KIFC3: variants seen among roughly 807,000 people sequenced by gnomAD.
KIFC3 encodes kinesin family member C3, also known as kinesin-like protein KIFC3.
In KIFC3, 60 loss-of-function variants were observed where a neutral mutation model predicts 101.8. The ratio of observed to expected loss-of-function variants is 0.59; its 90% CI spans 0.48 to 0.73. The LOEUF (loss-of-function observed/expected upper bound fraction) is 0.73, where lower values mean the gene tolerates loss of function less well. Among genes scored for constraint, KIFC3 ranks in the 30% least tolerant of loss-of-function variants. KIFC3 has a pLI of 0.00. For synonymous variants in KIFC3, 476 were observed against 482.7 expected (o/e 0.99, Z 0.18); for missense variants, 966 against 1,137.1 (o/e 0.85, Z 2.16).
chr16:57,848,419 G>A (rs191582810), intron 1 of KIFC3, among the ~76,000 whole-genome samples: 283 of 152,268 alleles, frequency 1.9e-3, no homozygotes, highest in Admixed American at 5.1e-3. Context: ...TTGAGGTCAG[G>A]AGTTCCAGAC....
chr16:57,760,801 G>A lies in KIFC3; in HGVS notation c.2157C>T (p.Pro719=), dbSNP rs1375474907. Residue 719 remains proline (P), a synonymous_variant, in exon 16 of 20, where the codon CCC becomes CCT. Transcript: ENST00000445690. The stretch of plus-strand genomic sequence containing the variant: ...GGTAGGTGAGCTTGGAGTTGCGGAA[G>A]GGCACGTGGCCCTGGCGGGAGCGCA... ...AALRSRQGHV[P]FRNSKLTYLL... The A allele has an allele frequency of 2.5e-6, 4 of 1,613,684 alleles. No homozygotes were observed. The highest frequency in any genetic ancestry group is 3.4e-6 in the Non-Finnish European group (4 of 1,180,012).
At chr16:57,803,607 G>A (rs2054858972), upstream of KIFC3, among the ~76,000 whole-genome samples, 1 of 152,242 alleles carries the variant, frequency 6.6e-6, no homozygotes, top group East Asian at 1.9e-4. Flanking sequence ...CAAGAATCTC[G>A]ACCAGCGACG....
chr16:57,820,577 C>G (rs1223997864), intron 1 of KIFC3, among the ~76,000 whole-genome samples: 1 of 152,206 alleles, frequency 6.6e-6, no homozygotes, highest in African/African-American at 2.4e-5. Context: ...CTGTGCCCAG[C>G]CCAGAGTGAT....
chr16:57,785,430 A>G lies in KIFC3; in HGVS notation c.315+9569T>C, dbSNP rs1449932827. The stretch of plus-strand genomic sequence containing the variant: ...TCCTCTGACCTGCTCCATAGTGGGC[A>G]GTGGCCTCTGCCCATCCCAGCCTCC... On this transcript the variant is annotated intron_variant, in intron 3 of 19. Coordinates refer to ENST00000445690, the MANE Select transcript of KIFC3 (RefSeq NM_001130100.2). 3.2e-6 allele frequency: 4 copies of G among 1,253,082 alleles called. No homozygotes were observed. In the African/African-American group the frequency reaches 4.6e-5, roughly 14 times the overall value. 77.6% of individuals were successfully genotyped at this position (1,253,082 alleles called of 1,614,324 possible). A position where few individuals can be genotyped will look rare whatever the true frequency, so the allele number is the denominator to read the frequency against.
At chr16:57,813,825 G>A (rs1360469160) in intron 1 of KIFC3, 4 of 985,298 alleles carry the variant, frequency 4.1e-6, no homozygotes, top group Non-Finnish European at 3.6e-6. Flanking sequence ...GTCACAGCCT[G>A]AAGACAGAAC....
intron 1 of KIFC3, among the ~76,000 whole-genome samples, chr16:57,858,273 A>C (rs1371584027): frequency 6.6e-6 from 1 of 152,150 alleles, no homozygotes; most frequent in African/African-American, 2.4e-5. Context: ...GCCTCATTGC[A>C]ATCCAAATGT....
At chr16:57,788,450 G>A (rs1207874586) in intron 3 of KIFC3, 3 of 834,950 alleles carry the variant, frequency 3.6e-6, no homozygotes, top group East Asian at 1.3e-4. Context: ...CAGGCAGCTG[G>A]AGTCTGTCTA....
At chr16:57,786,870 G>A (rs2053382345) in intron 3 of KIFC3, among the ~76,000 whole-genome samples, 1 of 152,176 alleles carries the variant, frequency 6.6e-6, no homozygotes, top group East Asian at 1.9e-4. Flanking sequence ...TCTCAGCACA[G>A]CCCCAGGAGG....
At chr16:57,821,102 G>A (rs2055340793) in intron 1 of KIFC3, among the ~76,000 whole-genome samples, 1 of 151,198 alleles carries the variant, frequency 6.6e-6, no homozygotes, top group Non-Finnish European at 1.5e-5. Flanking sequence ...TTGCACTCCA[G>A]CCTGAGTGAC....
At chr16:57,845,300 C>A (rs1352188296) in intron 1 of KIFC3, among the ~76,000 whole-genome samples, 2 of 152,202 alleles carry the variant, frequency 1.3e-5, no homozygotes, top group Non-Finnish European at 2.9e-5. Context: ...CCCCCACCAT[C>A]CCTCCCTGGA....
At chr16:57,832,635 C>G (rs1555479596) in intron 1 of KIFC3, among the ~76,000 whole-genome samples, 1 of 151,842 alleles carries the variant, frequency 6.6e-6, no homozygotes, top group Non-Finnish European at 1.5e-5. Context: ...TTTTTTTTCT[C>G]CCAGCATACT....
chr16:57,768,133 C>T (rs2148924431), intron 9 of KIFC3, among the ~76,000 whole-genome samples: 1 of 152,218 alleles, frequency 6.6e-6, no homozygotes, highest in Admixed American at 6.5e-5. Context: ...CAAAACCAGC[C>T]TGGCCAACAT....
chr16:57,853,406 A>C (rs1366246935), intron 1 of KIFC3, among the ~76,000 whole-genome samples: 2 of 147,970 alleles, frequency 1.4e-5, no homozygotes, highest in Non-Finnish European at 3.0e-5. Flanking sequence ...GTGACAGAAC[A>C]AGACTCCATC....
chr16:57,800,927 T>TC (rs1359698081), intron 1 of KIFC3, among the ~76,000 whole-genome samples: 3 of 152,046 alleles, frequency 2.0e-5, no homozygotes, highest in Non-Finnish European at 4.4e-5. Flanking sequence ...AGAACCTGGC[T>TC]CCCCTGTTTA....
upstream of KIFC3, among the ~76,000 whole-genome samples, chr16:57,806,128 G>T (rs1265070550): frequency 6.6e-6 from 1 of 152,164 alleles, no homozygotes. Flanking sequence ...GCTCCCCAAA[G>T]GGAAGGAAAG....
intron 1 of KIFC3, among the ~76,000 whole-genome samples, chr16:57,850,465 G>GTTTTTTT (rs373157438): frequency 7.0e-4 from 59 of 84,108 alleles, no homozygotes; most frequent in Non-Finnish European, 7.7e-4. Flanking sequence ...TTTAAAAAGG[G>GTTTTTTT]TTTTTTTTTT....
At chr16:57,782,244 G>C (rs782206322) in intron 3 of KIFC3, 6 of 701,650 alleles carry the variant, frequency 8.6e-6, no homozygotes, top group Non-Finnish European at 1.1e-5. Flanking sequence ...CCCCAGTTTA[G>C]AGACTGGGAA....
Position 57,760,344 on chromosome 16 carries a change from C to G in KIFC3, c.2305G>C (p.Glu769Gln). Residue 769 changes from glutamate (E) to glutamine (Q), a missense_variant, in exon 17 of 20, where the codon GAG becomes CAG. Transcript: ENST00000445690. ...GCCCTGCGTAGCCCAGGCCCCAGCTCCACAGAGCGCACCCTCTCAGCAAAC... is the reference window on the plus strand; with the variant it reads ...GCCCTGCGTAGCCCAGGCCCCAGCTGCACAGAGCGCACCCTCTCAGCAAAC... ...LKFAERVRSV[E>Q]LGPGLRRAEL... 6.2e-7 allele frequency: 1 copy of G among 1,613,980 alleles called. No homozygotes were observed. The highest frequency in any genetic ancestry group is 8.5e-7 in the Non-Finnish European group (1 of 1,179,982).
rs147820630 is a variant in KIFC3, at chr16:57,851,207, G to T, written c.108+11522C>A. On this transcript the variant is annotated intron_variant, in intron 1 of 2. Transcript: ENST00000563028. Reference sequence around the variant, plus strand: ...TTTTTAATGTTTTGTAGAGACGGGGGTCTCATTATGTTGCCCAGGCTGGTC... The same window carrying T: ...TTTTTAATGTTTTGTAGAGACGGGGTTCTCATTATGTTGCCCAGGCTGGTC... Among the ~76,000 whole-genome samples the T allele has an allele frequency of 3.2e-4, 48 of 152,140 alleles. 1 individual carries two copies. Among genetic ancestry groups the T allele is most frequent in the East Asian group, 2.9e-3 (15 of 5,138 alleles).
Sources: allele counts gnomAD v4.1 joint callset (sites outside exome capture counted in the v4.1 genomes callset), GRCh38; gene constraint gnomAD v4.1.1; transcripts MANE v1.5; gene names NCBI Gene and HGNC (gene_info 2026-07-23, HGNC 2026-07-21).